KANK1: variants seen among roughly 807,000 people sequenced by gnomAD.
The protein encoded by KANK1 is KN motif and ankyrin repeat domain-containing protein 1.
In KANK1, 109 loss-of-function variants were observed where a neutral mutation model predicts 106.2. The ratio of observed to expected loss-of-function variants is 1.03; its 90% CI spans 0.88 to 1.20. The LOEUF is 1.20. Ranked by LOEUF, KANK1 falls within the 50% of genes most tolerant of loss-of-function variation. The pLI is 0.00. For synonymous variants in KANK1, 873 were observed against 652.2 expected, an observed-to-expected ratio of 1.34 and a Z score of -5.16; for missense variants, 2,399 against 1,710.7, an observed-to-expected ratio of 1.40 and a Z score of -7.10.
At chr9:732,309 A>G in intron 5 of KANK1, 69 bp from the exon 6 acceptor site, 3 of 1,532,410 alleles carry the variant, frequency 2.0e-6, no homozygotes, top group Non-Finnish European at 2.6e-6. Context: ...AAATCCCTTC[A>G]TAGAAATTTC....
chr9:574,715 C>T (rs1033085764), intron 1 of KANK1, among the ~76,000 whole-genome samples: 3 of 151,880 alleles, frequency 2.0e-5, no homozygotes, highest in Admixed American at 1.3e-4. Context: ...ATTAGCCAGG[C>T]ATGGTGGCAC....
chr9:741,470 C>T (rs1835484403), intron 9 of KANK1, among the ~76,000 whole-genome samples: 1 of 143,628 alleles, frequency 7.0e-6, no homozygotes, highest in Non-Finnish European at 1.5e-5. Context: ...CTAACAGGCA[C>T]ACACCACCAC....
chr9:597,920 C>G (rs1253687037), intron 1 of KANK1, among the ~76,000 whole-genome samples: 6 of 151,792 alleles, frequency 4.0e-5, no homozygotes, highest in Non-Finnish European at 8.8e-5. Context: ...CCGCCTCAGC[C>G]TCCCAAAATG....
chr9:678,195 G>T (rs1165018132), intron 2 of KANK1, among the ~76,000 whole-genome samples: 2 of 152,004 alleles, frequency 1.3e-5, no homozygotes, highest in Non-Finnish European at 2.9e-5. Flanking sequence ...CTTTTTTACT[G>T]CCCAGCTTCT....
intron 1 of KANK1, among the ~76,000 whole-genome samples, chr9:508,120 CCTTTTTTTTT>C (rs1182946266): frequency 3.3e-4 from 39 of 116,754 alleles, no homozygotes; most frequent in African/African-American, 1.2e-3. Context: ...CCCTGCTCAG[CCTTTTTTTTT>C]TTTTTTTTTT....
chr9:724,777 G>T (rs1156790021), intron 3 of KANK1, among the ~76,000 whole-genome samples: 2 of 151,886 alleles, frequency 1.3e-5, no homozygotes, highest in African/African-American at 2.4e-5. Flanking sequence ...ATTCCAGGCT[G>T]GGCGACAGAG....
intron 1 of KANK1, among the ~76,000 whole-genome samples, chr9:540,897 T>C (rs1219302895): frequency 6.6e-6 from 1 of 152,222 alleles, no homozygotes; most frequent in African/African-American, 2.4e-5. Context: ...TTTTGTCTTT[T>C]AGTTCAGCTA....
intron 1 of KANK1, among the ~76,000 whole-genome samples, chr9:632,457 A>C (rs563263793): frequency 6.6e-6 from 1 of 152,308 alleles, no homozygotes; most frequent in African/African-American, 2.4e-5. Flanking sequence ...AATTATTGAG[A>C]GCATGGAAAA....
At chr9:730,406 A>C in intron 4 of KANK1, 158 bp downstream of exon 4, 1 of 811,484 alleles carries the variant, frequency 1.2e-6, no homozygotes, top group Admixed American at 2.3e-5. Flanking sequence ...AAGGTTACCA[A>C]AGAGGCCGGG....
chr9:502,442 G>C (rs964206175), upstream of KANK1, among the ~76,000 whole-genome samples: 1 of 152,038 alleles, frequency 6.6e-6, no homozygotes, highest in Non-Finnish European at 1.5e-5. Context: ...GCTTACTCTT[G>C]AGGGCCTATC....
chr9:593,093 G>A (rs778703284), intron 1 of KANK1, among the ~76,000 whole-genome samples: 20 of 151,758 alleles, frequency 1.3e-4, no homozygotes, highest in Non-Finnish European at 1.9e-4. Context: ...AATTCTGGCC[G>A]CCAGTTTTTT....
Position 662,377 on chromosome 9 carries a change from T to C in KANK1, c.-83-14513T>C, listed in dbSNP as rs187438651. ...AGAGCCCGCATTGCCAAGACAGTCC[T>C]AAGCAAAAAGAACAAAGCTGGAGGC... On this transcript the variant is annotated intron_variant, in intron 1 of 11. Transcript: ENST00000382297. Among the ~76,000 whole-genome samples, 1,065 of 152,258 alleles carry C rather than the reference T, an allele frequency of 7.0e-3. 3 individuals carry two copies. Among genetic ancestry groups the C allele is most frequent in the Non-Finnish European group, 0.011 (780 of 68,014 alleles).
chr9:632,197 C>A (rs944417328), intron 1 of KANK1, among the ~76,000 whole-genome samples: 2 of 152,048 alleles, frequency 1.3e-5, no homozygotes, highest in African/African-American at 4.8e-5. Context: ...TCATATTTTC[C>A]TTTAACATCA....
At chr9:502,974 A>AC (rs1418328817), upstream of KANK1, among the ~76,000 whole-genome samples, 467 of 148,918 alleles carry the variant, frequency 3.1e-3, 3 homozygotes, top group African/African-American at 0.011. Context: ...AGCTGGGACT[A>AC]CAGGCGCGCG....
At chr9:620,206 G>C (rs1046029078) in intron 1 of KANK1, among the ~76,000 whole-genome samples, 8 of 151,352 alleles carry the variant, frequency 5.3e-5, no homozygotes, top group Non-Finnish European at 1.2e-4. Context: ...AACTTTGTCA[G>C]GTACACTGGT....
chr9:743,862 C>T (rs1033251751), intron 10 of KANK1, among the ~76,000 whole-genome samples: 1 of 152,192 alleles, frequency 6.6e-6, no homozygotes, highest in African/African-American at 2.4e-5. Flanking sequence ...TCTCAAAAAA[C>T]ACACTAGACA....
At chr9:702,523 C>T (rs1822943484) in intron 2 of KANK1, among the ~76,000 whole-genome samples, 1 of 152,052 alleles carries the variant, frequency 6.6e-6, no homozygotes, top group South Asian at 2.1e-4. Flanking sequence ...GAGACAGAGA[C>T]AGAAAGCAGA....
chr9:591,060 A>G lies in KANK1; in HGVS notation c.-83-85830A>G, dbSNP rs935098051. On this transcript the variant is annotated intron_variant, in intron 1 of 11. Coordinates refer to ENST00000382297, the MANE Select transcript of KANK1 (RefSeq NM_015158.5). ...TATAGACAGATGAACATCTTTTCAT[A>G]TGCCATTTATATTCCTTTGTGAGTT... Among the ~76,000 whole-genome samples, 4 of 151,852 alleles carry G rather than the reference A, an allele frequency of 2.6e-5. 1 individual carries two copies. The highest frequency in any genetic ancestry group is 5.9e-5 in the Non-Finnish European group (4 of 68,018).
intron 2 of KANK1, among the ~76,000 whole-genome samples, chr9:686,098 A>C (rs16922541): frequency 0.019 from 2,896 of 152,312 alleles, 88 homozygotes; most frequent in African/African-American, 0.067. Context: ...CCCAGTGCTT[A>C]ATATCTTAAA....
Sources: gnomAD v4.1 joint callset for allele counts (sites outside exome capture counted in the v4.1 genomes callset) on GRCh38, gnomAD v4.1.1 for gene constraint, MANE v1.5 for transcripts, NCBI Gene and HGNC (gene_info 2026-07-23, HGNC 2026-07-21) for gene names.